The following DDX39A variants were observed in gnomAD, a reference collection of about 807,000 sequenced individuals.
DDX39A encodes the protein ATP-dependent RNA helicase DDX39A.
In DDX39A, 13 loss-of-function variants were observed where a neutral mutation model predicts 46.3. The ratio of observed to expected loss-of-function variants is 0.28; its 90% CI spans 0.18 to 0.45. The LOEUF (loss-of-function observed/expected upper bound fraction) is 0.45. Among genes scored for constraint, DDX39A ranks in the 20% least tolerant of loss-of-function variants. The pLI, the probability that DDX39A is intolerant of heterozygous loss-of-function variation, is 1.00. For synonymous variants in DDX39A, 234 were observed against 224.6 expected (o/e 1.04, Z -0.38); for missense variants, 352 against 581.8 (o/e 0.61, Z 4.06).
chr19:14,417,748 C>T (rs1423804011), intron 1 of DDX39A, among the ~76,000 whole-genome samples: 1 of 152,094 alleles, frequency 6.6e-6, no homozygotes, highest in Non-Finnish European at 1.5e-5. Flanking sequence ...GCCTGTAGTC[C>T]CAGCTACTTG....
At chr19:14,414,147 C>T (rs1976704964) in intron 1 of DDX39A, 1 of 151,942 alleles carries the variant, frequency 6.6e-6, no homozygotes, top group African/African-American at 2.4e-5. Flanking sequence ...GCTGAGGATC[C>T]TAGGCCACTT....
At chr19:14,418,821 CAAG>C (rs1336098264) in intron 1 of DDX39A, 1 of 425,390 alleles carries the variant, frequency 2.4e-6, no homozygotes, top group South Asian at 1.6e-5. Flanking sequence ...AAAAGTAGAC[CAAG>C]AAGAAGGTAG....
chr19:14,417,771 G>A (rs1465754928), intron 1 of DDX39A, among the ~76,000 whole-genome samples: 1 of 152,206 alleles, frequency 6.6e-6, no homozygotes, highest in African/African-American at 2.4e-5. Flanking sequence ...AGGCTGTGCC[G>A]GGAGGATCGC....
In DDX39A at chr19:14,409,574, C is replaced by T. The variant is rs180836789; in HGVS notation, c.936G>A (p.Pro312=). The change falls in exon 8 of 11, where the codon CCG becomes CCA. Residue 312 remains proline (P), a synonymous_variant. Transcript: ENST00000242776. The surrounding 1 kb of genome is among the most constrained non-coding windows in gnomAD (Gnocchi z 8.3). The stretch of plus-strand genomic sequence containing the variant: ...CCATGCCCCGGTGGATGGCGATGGC[C>T]GGGAAGTTCTGCTCCACGAGGAGCT... ...LAQLLVEQNF[P]AIAIHRGMAQ... 2.2e-5 allele frequency: 36 copies of T among 1,610,980 alleles called. No individual in the cohort carries two copies. The East Asian group carries it at 5.1e-4, about 23-fold the overall frequency.
Position 14,412,747 on chromosome 19 carries a change from A to G in DDX39A, c.209-69T>C. ...CCCCGTGCAGGATCCTCACCAGTTG[A>G]CCGGGGGCCCACAGTGAGGGCAATC... On this transcript the variant is annotated intron_variant, in intron 2 of 10. Transcript: ENST00000242776. This position sits in a 1 kb window ranked among gnomAD's most constrained non-coding sequence, Gnocchi z 4.4. 1 of 1,540,104 alleles carries G rather than the reference A, an allele frequency of 6.5e-7. No homozygotes were observed.
In DDX39A at chr19:14,408,930, T is replaced by C; in HGVS notation, c.*6A>G. 1.3e-6 allele frequency: 2 copies of C among 1,587,608 alleles called. No homozygotes were observed. The highest frequency in any genetic ancestry group is 1.7e-6 in the Non-Finnish European group (2 of 1,164,298). On this transcript the variant is annotated 3_prime_UTR_variant, in exon 11 of 11. Coordinates refer to ENST00000242776, the MANE Select transcript of DDX39A (RefSeq NM_005804.4). ...GCTCCGGGTGGGCGGCTCTGGCACG[T>C]GGTGGTTACCGGCTCTGCTCGACTG...
In DDX39A at chr19:14,409,003, G is replaced by A; in HGVS notation, c.1267+34C>T. 1.2e-6 allele frequency: 2 copies of A among 1,613,730 alleles called. No homozygotes were observed. The highest frequency in any genetic ancestry group is 1.1e-5 in the South Asian group (1 of 91,062). On this transcript the variant is annotated intron_variant, in intron 10 of 10. Coordinates refer to ENST00000242776, the MANE Select transcript of DDX39A (RefSeq NM_005804.4). The surrounding 1 kb of genome is among the most constrained non-coding windows in gnomAD (Gnocchi z 8.3). ...TGAAGGGCCGGGGGAGGAACCCTCT[G>A]CCCCAGACCCCTGGCCCTGCCCAAG... is the stretch of plus-strand genomic sequence containing the variant.
rs1467844885 is a variant in DDX39A, at chr19:14,412,561, A to C, written c.326T>G (p.Val109Gly). ...GAGGAGCCCACCCACCTGTCCGTTG[A>C]CAGGCTCAATCTGCTGTAGGGTGGC... ...VLATLQQIEP[V>G]NGQVTVLVMC... Residue 109 changes from valine to glycine, a missense_variant, in exon 3 of 11, where the codon GTC (valine) becomes GGC (glycine). Transcript: ENST00000242776. The surrounding 1 kb of genome is among the most constrained non-coding windows in gnomAD (Gnocchi z 4.4). The C allele has an allele frequency of 6.2e-7, 1 of 1,608,592 alleles. No homozygotes were observed.
At position 14,411,291 on chromosome 19, in the gene DDX39A, C is replaced by A. The variant is rs1464170996; in HGVS notation, c.430-119G>T. On this transcript the variant is annotated intron_variant, in intron 4 of 10. Transcript: ENST00000242776. The surrounding 1 kb of genome is among the most constrained non-coding windows in gnomAD (Gnocchi z 4.1). ...GACCAAGGCAGGCCTGAGAGCCTCC[C>A]GGGGCTCCACTCAAAGGCAGCCCCA... The A allele has an allele frequency of 2.4e-6, 3 of 1,233,884 alleles. No homozygotes were observed. The highest frequency in any genetic ancestry group is 4.8e-5 in the Admixed American group (2 of 41,636). The allele number at this position is 1,233,884 out of a possible 1,614,324, so 76.4% of individuals were successfully genotyped here.
chr19:14,412,792 C>A lies in DDX39A; in HGVS notation c.209-114G>T, dbSNP rs1304504656. On this transcript the variant is annotated intron_variant, in intron 2 of 10. Transcript: ENST00000242776. This position sits in a 1 kb window ranked among gnomAD's most constrained non-coding sequence, Gnocchi z 4.4. ...GCAATCAGAAGAGGCCGAGTCCGGA[C>A]AAGGCCACAGACACCTGCAGGGCTG... The A allele has an allele frequency of 4.2e-6, 6 of 1,438,126 alleles. No individual in the cohort carries two copies. Among genetic ancestry groups the A allele is most frequent in the East Asian group, 2.3e-5 (1 of 43,180 alleles). 89.1% of individuals were successfully genotyped at this position (1,438,126 alleles called of 1,614,324 possible).
chr19:14,411,055 T>C lies in DDX39A; in HGVS notation c.547A>G (p.Ser183Gly). The change falls in exon 5 of 11, where the codon AGC becomes GGC. Residue 183 changes from serine (S) to glycine (G), a missense_variant. Ser to Gly is a moderately conservative substitution (Grantham distance 56). This residue lies in a region of DDX39A where 301 missense variants were observed against 469.9 expected (regional missense o/e 0.64). Coordinates refer to ENST00000242776, the MANE Select transcript of DDX39A (RefSeq NM_005804.4). This position sits in a 1 kb window ranked among gnomAD's most constrained non-coding sequence, Gnocchi z 4.1. Reference sequence around the variant, plus strand: ...TGCTTCACATTCTTTAGGCTGAAGCTCCTATTCCGCACGAGCGCCAGGATG... The same window carrying C: ...TGCTTCACATTCTTTAGGCTGAAGCCCCTATTCCGCACGAGCGCCAGGATG... ...GRILALVRNR[S>G]FSLKNVKHFV... The C allele has an allele frequency of 6.2e-7, 1 of 1,612,038 alleles. No homozygotes were observed. The highest frequency in any genetic ancestry group is 8.5e-7 in the Non-Finnish European group (1 of 1,179,112).
intron 1 of DDX39A, among the ~76,000 whole-genome samples, chr19:14,416,590 C>T (rs1976817340): frequency 6.6e-6 from 1 of 152,184 alleles, no homozygotes; most frequent in Non-Finnish European, 1.5e-5. Context: ...AGCACCAGAG[C>T]CTTTTGGGGT....
chr19:14,412,069 C>A lies in DDX39A; in HGVS notation c.337-471G>T, dbSNP rs951634281. Among the ~76,000 whole-genome samples, 5 of 152,208 alleles carry A rather than the reference C, an allele frequency of 3.3e-5. No homozygotes were observed. The highest frequency in any genetic ancestry group is 3.3e-4 in the Admixed American group (5 of 15,278). ...CAATATGAAGCCCAAAGATGTGCAC[C>A]TGGCCTGACTCGGGAGCAAGACACC... On this transcript the variant is annotated intron_variant, in intron 3 of 10. Transcript: ENST00000242776. The surrounding 1 kb of genome is among the most constrained non-coding windows in gnomAD (Gnocchi z 4.4).
chr19:14,412,264 G>C lies in DDX39A; in HGVS notation c.336+287C>G. ...CGGCAAAACAGCAACGATGCCTCTG[G>C]GGCAAGGGGCAAACTGTGGGCACTT... On this transcript the variant is annotated intron_variant, in intron 3 of 10. Coordinates refer to ENST00000242776, the MANE Select transcript of DDX39A (RefSeq NM_005804.4). This position sits in a 1 kb window ranked among gnomAD's most constrained non-coding sequence, Gnocchi z 4.4. 1 of 366,466 alleles carries C rather than the reference G, an allele frequency of 2.7e-6. No homozygotes were observed. Among genetic ancestry groups the C allele is most frequent in the South Asian group, 3.3e-5 (1 of 30,554 alleles). 22.7% of individuals were successfully genotyped at this position (366,466 alleles called of 1,614,324 possible).
chr19:14,409,752 T>C lies in DDX39A; in HGVS notation c.854A>G (p.Glu285Gly). The C allele has an allele frequency of 6.2e-7, 1 of 1,614,142 alleles. No homozygotes were observed. The highest frequency in any genetic ancestry group is 8.5e-7 in the Non-Finnish European group (1 of 1,180,034). The change falls in exon 7 of 11, where the codon GAG becomes GGG. Residue 285 changes from glutamate to glycine, a missense_variant. By Grantham distance (98) the Glu-to-Gly change is moderately conservative. This residue lies in a region of DDX39A where 301 missense variants were observed against 469.9 expected (regional missense o/e 0.64). Transcript: ENST00000242776. This position sits in a 1 kb window ranked among gnomAD's most constrained non-coding sequence, Gnocchi z 8.3. ...TGATGGAAGTATCACCTGGTTAAAC[T>C]CCAGCACATCCAAGAGATCAAAGAG... Reference protein sequence around the residue: ...RKLFDLLDVLEFNQVIIFVKS... With the variant: ...RKLFDLLDVLGFNQVIIFVKS...
Position 14,411,659 on chromosome 19 carries a change from C to T in DDX39A, c.337-61G>A, listed in dbSNP as rs991680058. 6.7e-7 allele frequency: 1 copy of T among 1,484,052 alleles called. No homozygotes were observed. The highest frequency in any genetic ancestry group is 2.3e-5 in the East Asian group (1 of 42,930). 91.9% of individuals were successfully genotyped at this position (1,484,052 alleles called of 1,614,324 possible). ...GCAGTGTCCTAAACCCCTTCCCCAC[C>T]AGAGTCCACCCAACCCAGTCCCCCT... On this transcript the variant is annotated intron_variant, in intron 3 of 10. Coordinates refer to ENST00000242776, the MANE Select transcript of DDX39A (RefSeq NM_005804.4). The surrounding 1 kb of genome is among the most constrained non-coding windows in gnomAD (Gnocchi z 4.1).
At position 14,412,381 on chromosome 19, in the gene DDX39A, T is replaced by G; in HGVS notation, c.336+170A>C. On this transcript the variant is annotated intron_variant, in intron 3 of 10. Coordinates refer to ENST00000242776, the MANE Select transcript of DDX39A (RefSeq NM_005804.4). This position sits in a 1 kb window ranked among gnomAD's most constrained non-coding sequence, Gnocchi z 4.4. Reference sequence around the variant, plus strand: ...TCTACCTCTGCCACCCAGGCTGGAGTGCAGTGGTGTGATCATAGCACACTG... The same window carrying G: ...TCTACCTCTGCCACCCAGGCTGGAGGGCAGTGGTGTGATCATAGCACACTG... The G allele has an allele frequency of 1.3e-6, 1 of 746,714 alleles. No individual in the cohort carries two copies. Among genetic ancestry groups the G allele is most frequent in the Non-Finnish European group, 2.1e-6 (1 of 484,592 alleles). The allele number at this position is 746,714 out of a possible 1,614,324, so 46.3% of individuals were successfully genotyped here.
At chr19:14,413,304 C>A (rs1568328475) in intron 1 of DDX39A, 80 bp from the exon 2 acceptor site, 1 of 1,318,290 alleles carries the variant, frequency 7.6e-7, no homozygotes, top group East Asian at 2.4e-5. Flanking sequence ...TTCTCTGCCG[C>A]CTCCTTCCAT....
Position 14,409,717 on chromosome 19 carries a change from C to G in DDX39A, c.864+25G>C. The G allele has an allele frequency of 6.2e-7, 1 of 1,613,848 alleles. No individual in the cohort carries two copies. The highest frequency in any genetic ancestry group is 8.5e-7 in the Non-Finnish European group (1 of 1,179,778). Reference sequence around the variant, plus strand: ...GTGACCTCCCGAAGGTCCTGAGCCCCAGGACAGGCTGATGGAAGTATCACC... The same window carrying G: ...GTGACCTCCCGAAGGTCCTGAGCCCGAGGACAGGCTGATGGAAGTATCACC... On this transcript the variant is annotated intron_variant, in intron 7 of 10. Transcript: ENST00000242776. The surrounding 1 kb of genome is among the most constrained non-coding windows in gnomAD (Gnocchi z 8.3).
Sources: gnomAD v4.1 joint callset for allele counts (sites outside exome capture counted in the v4.1 genomes callset) on GRCh38, gnomAD v4.1.1 for gene constraint, gnomAD v4.1.1 regional missense constraint, Gnocchi (gnomAD v3.1) non-coding constraint, MANE v1.5 for transcripts, NCBI Gene and HGNC (gene_info 2026-07-23, HGNC 2026-07-21) for gene names.